Variants in HUWE1 observed in about 807,000 individuals in gnomAD.
HUWE1 encodes the protein E3 ubiquitin-protein ligase HUWE1.
In HUWE1, 18 loss-of-function variants were observed where a neutral mutation model predicts 299.4. That is an observed-to-expected ratio of 0.06 (90% CI 0.04 to 0.09). The LOEUF is 0.09. HUWE1 is among the 10% of genes least tolerant of loss of function. The pLI is 1.00. For missense variants in HUWE1, 1,832 were observed against 3,462.3 expected (o/e 0.53, Z 11.82); for synonymous variants, 1,317 against 1,286.1 (o/e 1.02, Z -0.51).
intron 19 of HUWE1, among the ~76,000 whole-genome samples, chrX:53,620,597 G>T (rs912001610): frequency 9.0e-6 from 1 of 111,718 alleles, no homozygotes; most frequent in Non-Finnish European, 1.9e-5. Context: ...ATAATGGCTT[G>T]TTCAATGCTC....
chrX:53,543,831 T>C lies in HUWE1; in HGVS notation c.11379+10A>G, dbSNP rs1556920575. 8.3e-7 allele frequency: 1 copy of C among 1,211,240 alleles called. No homozygotes were observed. Among genetic ancestry groups the C allele is most frequent in the Non-Finnish European group, 1.1e-6 (1 of 895,088 alleles). On this transcript the variant is annotated intron_variant, in intron 73 of 83. Coordinates refer to ENST00000262854, the MANE Select transcript of HUWE1 (RefSeq NM_031407.7). ...ACAAATGAATGAGGGGCCACAGGCA[T>C]CATGCTAACCGTTGCTGCTTGTTGC... is the stretch of plus-strand genomic sequence containing the variant.
intron 43 of HUWE1, among the ~76,000 whole-genome samples, chrX:53,580,223 T>A (rs782026152): frequency 1.8e-5 from 2 of 111,844 alleles, no homozygotes; most frequent in South Asian, 7.4e-4. Flanking sequence ...TTACATTACC[T>A]AATACATAGC....
Position 53,614,454 on chromosome X carries a change from G to A in HUWE1, c.2261+80C>T, listed in dbSNP as rs782587823. 5.6e-6 allele frequency: 4 copies of A among 708,932 alleles called. No individual in the cohort carries two copies. The South Asian group carries it at 6.4e-5, about 11-fold the overall frequency. The allele number at this position is 708,932 out of a possible 1,213,427, so 58.4% of individuals were successfully genotyped here. ...TACAACTCTCTTGCTTTTTATAGATGAAAGTGTTCATTAAGACTTAGAGAG... is the reference window on the plus strand; with the variant it reads ...TACAACTCTCTTGCTTTTTATAGATAAAAGTGTTCATTAAGACTTAGAGAG... On this transcript the variant is annotated intron_variant, in intron 23 of 83. Transcript: ENST00000262854.
chrX:53,593,646 C>T (rs2064280689), intron 31 of HUWE1, 45 bp from the exon 32 acceptor site: 1 of 1,032,068 alleles, frequency 9.7e-7, no homozygotes, highest in East Asian at 3.0e-5. Context: ...AGTATTTTAC[C>T]CTGGCAAGGG....
chrX:53,608,102 T>A (rs1449716555), intron 24 of HUWE1, among the ~76,000 whole-genome samples: 1 of 112,003 alleles, frequency 8.9e-6, no homozygotes, highest in Non-Finnish European at 1.9e-5. Context: ...ATGAAACGCA[T>A]AATGCAAATG....
At chrX:53,665,464 A>G (rs782527085) in intron 3 of HUWE1, among the ~76,000 whole-genome samples, 19 of 112,015 alleles carry the variant, frequency 1.7e-4, no homozygotes, top group Admixed American at 9.5e-4. Flanking sequence ...GGATACTAAG[A>G]AAGAGGAATC....
At chrX:53,661,405 C>T (rs1446096834) in intron 3 of HUWE1, among the ~76,000 whole-genome samples, 5 of 111,396 alleles carry the variant, frequency 4.5e-5, no homozygotes, top group Non-Finnish European at 9.4e-5. Context: ...GTGACAGATT[C>T]TTCTAGACTG....
intron 52 of HUWE1, 105 bp from the exon 53 acceptor site, chrX:53,563,034 T>C: frequency 3.1e-6 from 2 of 653,537 alleles, no homozygotes; most frequent in Non-Finnish European, 2.5e-6. Flanking sequence ...TCCACTTTTT[T>C]TTGGATGAGG....
intron 2 of HUWE1, among the ~76,000 whole-genome samples, chrX:53,684,546 A>C (rs1245378410): frequency 8.9e-6 from 1 of 111,846 alleles, no homozygotes; most frequent in Non-Finnish European, 1.9e-5. Flanking sequence ...CTTGAGGAAA[A>C]TTTAAAAAGT....
intron 80 of HUWE1, 161 bp downstream of exon 80, chrX:53,535,986 C>A: frequency 3.7e-6 from 1 of 269,603 alleles, no homozygotes. Context: ...TTCTGGTTTT[C>A]CTGTTTGTGA....
At chrX:53,667,851 A>G (rs1276828822) in intron 3 of HUWE1, among the ~76,000 whole-genome samples, 2 of 111,914 alleles carry the variant, frequency 1.8e-5, no homozygotes, top group Non-Finnish European at 3.8e-5. Flanking sequence ...GACGGTCAAC[A>G]GCTTTCATTG....
In HUWE1 at chrX:53,612,230, CAA is replaced by C. The variant is rs782397525; in HGVS notation, c.2261+2302_2261+2303del. Among the ~76,000 whole-genome samples, 173 of 111,687 alleles carry C rather than the reference CAA, an allele frequency of 1.5e-3. 2 individuals carry two copies. Among genetic ancestry groups the C allele is most frequent in the African/African-American group, 5.5e-3 (169 of 30,747 alleles). On this transcript the variant is annotated intron_variant, in intron 23 of 83. Coordinates refer to ENST00000262854, the MANE Select transcript of HUWE1 (RefSeq NM_031407.7). ...ACCCAATCTAGGCCTCTGAAGATGG[CAA>C]AAGTGAAAAAATGTATGTGTCAACA...
chrX:53,556,902 A>G (rs782655018), intron 60 of HUWE1, among the ~76,000 whole-genome samples: 1 of 112,498 alleles, frequency 8.9e-6, no homozygotes, highest in Non-Finnish European at 1.9e-5. Flanking sequence ...TTTAAATGGA[A>G]TAAATTCAGC....
Position 53,545,135 on chromosome X carries a change from A to G in HUWE1, c.10942T>C (p.Tyr3648His), listed in dbSNP as rs1053063337. The G allele has an allele frequency of 3.3e-6, 4 of 1,208,130 alleles. No homozygotes were observed. Among genetic ancestry groups the G allele is most frequent in the Non-Finnish European group, 4.5e-6 (4 of 894,486 alleles). ...IGTLLAELREYNLEQQRRAQC... is the reference protein window; with the variant it reads ...IGTLLAELREHNLEQQRRAQC... The stretch of plus-strand genomic sequence containing the variant: ...GCTCGCCGCTGCTGCTCGAGGTTGT[A>G]TTCCCGCAGCTCGGCCAGCAGGGTA... Residue 3648 changes from tyrosine to histidine, a missense_variant, in exon 71 of 84, where the codon TAC becomes CAC. Transcript: ENST00000262854.
Position 53,648,322 on chromosome X carries a change from A to C in HUWE1, c.46-12T>G. ...CTGCAGTCTGCAGGCTGAGAAAAGA[A>C]AAGTATTCACAAAAGATGTTTTGGA... On this transcript the variant is annotated splice_polypyrimidine_tract_variant and intron_variant, in intron 4 of 83. Coordinates refer to ENST00000262854, the MANE Select transcript of HUWE1 (RefSeq NM_031407.7). 1 of 1,074,294 alleles carries C rather than the reference A, an allele frequency of 9.3e-7. No individual in the cohort carries two copies. Among genetic ancestry groups the C allele is most frequent in the Non-Finnish European group, 1.3e-6 (1 of 772,575 alleles). The allele number at this position is 1,074,294 out of a possible 1,213,427, so 88.5% of individuals were successfully genotyped here. A position where few individuals can be genotyped will look rare whatever the true frequency, so the allele number is the denominator to read the frequency against.
Position 53,575,733 on chromosome X carries a change from C to T in HUWE1, c.5940G>A (p.Leu1980=). Residue 1980 remains leucine (L), a synonymous_variant, in exon 45 of 84, where the codon CTG becomes CTA. Transcript: ENST00000262854. ...GGTATACATCATCACCCATGTCTTG[C>T]AGGAGCTGGCCAACCTCTTGGGTCA... is the stretch of plus-strand genomic sequence containing the variant. ...GVMTQEVGQL[L]QDMGDDVYQQ... 4 of 1,210,911 alleles carry T rather than the reference C, an allele frequency of 3.3e-6. No homozygotes were observed. The highest frequency in any genetic ancestry group is 4.5e-6 in the Non-Finnish European group (4 of 894,486).
Position 53,588,895 on chromosome X carries a change from A to G in HUWE1, c.4462-361T>C, listed in dbSNP as rs183874930. Reference sequence around the variant, plus strand: ...ATCTCTCTCTCTCAGAATTATTGTTAAAAAATAGACACTAAAACTTTCTGT... The same window carrying G: ...ATCTCTCTCTCTCAGAATTATTGTTGAAAAATAGACACTAAAACTTTCTGT... On this transcript the variant is annotated intron_variant, in intron 36 of 83. Coordinates refer to ENST00000262854, the MANE Select transcript of HUWE1 (RefSeq NM_031407.7). 1.5e-4 allele frequency among the ~76,000 whole-genome samples: 17 copies of G among 112,545 alleles called. No homozygotes were observed. In the East Asian group the frequency reaches 4.7e-3, roughly 31 times the overall value.
Position 53,628,753 on chromosome X carries a change from A to C in HUWE1, c.1113T>G (p.Ile371Met). 8.3e-7 allele frequency: 1 copy of C among 1,211,750 alleles called. No homozygotes were observed. The highest frequency in any genetic ancestry group is 1.1e-6 in the Non-Finnish European group (1 of 895,350). ...VLVRNCIQAM[I>M]DPSMDPYPHQ... The stretch of plus-strand genomic sequence containing the variant: ...AAGATAATCACCATCAAAACTTACC[A>C]ATCATGGCCTGGATACAGTTCCTTA... The change falls in exon 14 of 84, where the codon ATT becomes ATG. Residue 371 changes from isoleucine (I) to methionine (M), a missense_variant and splice_region_variant. Ile to Met is a conservative substitution (Grantham distance 10, BLOSUM62 1). Around this residue, in one of 15 missense-constraint regions of HUWE1, gnomAD observed 658 missense variants for 1,282.6 expected, o/e 0.51. Transcript: ENST00000262854.
chrX:53,631,726 A>C, intron 9 of HUWE1, 112 bp from the exon 10 acceptor site: 1 of 545,875 alleles, frequency 1.8e-6, no homozygotes, highest in Non-Finnish European at 3.2e-6. Flanking sequence ...TAATAGGCTG[A>C]AGCCTAAGTG....
Sources: gnomAD v4.1 joint callset for allele counts (sites outside exome capture counted in the v4.1 genomes callset) on GRCh38, gnomAD v4.1.1 for gene constraint, gnomAD v4.1.1 regional missense constraint, MANE v1.5 for transcripts, NCBI Gene and HGNC (gene_info 2026-07-23, HGNC 2026-07-21) for gene names.